ACOT11: variants seen among roughly 807,000 people sequenced by gnomAD.
ACOT11 encodes acyl-CoA thioesterase 11.
ACOT11 carries 69 observed loss-of-function variants against 77.5 expected under a neutral mutation model. The observed-to-expected ratio is 0.89, with a 90% CI of 0.73 to 1.09. The LOEUF is 1.09. Among genes scored for constraint, ACOT11 ranks in the 50% least tolerant of loss-of-function variants. ACOT11 has a pLI of 0.00. For missense variants in ACOT11, 766 were observed against 813.7 expected (o/e 0.94, Z 0.71); for synonymous variants, 279 against 313.0 (o/e 0.89, Z 1.15).
Position 54,601,331 on chromosome 1 carries a change from T to A in ACOT11, c.947T>A (p.Ile316Asn). 6.2e-7 allele frequency: 1 copy of A among 1,613,712 alleles called. No homozygotes were observed. The highest frequency in any genetic ancestry group is 1.1e-5 in the South Asian group (1 of 91,088). Reference protein sequence around the residue: ...RQEAETHRRHINSAFMTFVVL... With the variant: ...RQEAETHRRHNNSAFMTFVVL... The stretch of plus-strand genomic sequence containing the variant: ...GAGGCTGAGACCCACCGGCGCCACA[T>A]CAACAGTGCCTTTATGACCTTTGTG... Residue 316 changes from isoleucine (I) to asparagine (N), a missense_variant, in exon 9 of 16, where the codon ATC becomes AAC. Physicochemically the swap from Ile to Asn is moderately radical, Grantham distance 149. Coordinates refer to ENST00000343744, the MANE Select transcript of ACOT11 (RefSeq NM_147161.4).
In ACOT11 at chr1:54,609,483, T is replaced by C. The variant is rs1644084878; in HGVS notation, c.*371T>C. 13 of 1,613,466 alleles carry C rather than the reference T, an allele frequency of 8.1e-6. No individual in the cohort carries two copies. The highest frequency in any genetic ancestry group is 1.0e-5 in the Non-Finnish European group (12 of 1,180,038). ...CCAGCTGTGCTGTGGCCCAGCAGCA[T>C]GGCCTGCATCTGGAAGGACACAGGT... On this transcript the variant is annotated 3_prime_UTR_variant, in exon 16 of 16. Coordinates refer to ENST00000343744, the MANE Select transcript of ACOT11 (RefSeq NM_147161.4).
rs1051186551 is a variant in ACOT11, at chr1:54,599,374, T to C, written c.843T>C (p.Arg281=). The C allele has an allele frequency of 2.5e-6, 4 of 1,607,698 alleles. No individual in the cohort carries two copies. The highest frequency in any genetic ancestry group is 3.4e-6 in the Non-Finnish European group (4 of 1,177,168). ...HFRGPSQVGD[R]LVLKAIVNNA... is the part of the protein sequence containing the mutation. The stretch of plus-strand genomic sequence containing the variant: ...GAGGCCCGTCCCAGGTCGGCGACCG[T>C]CTGGTGCTCAAAGCCATCGTGAACA... The change falls in exon 8 of 16, where the codon CGT becomes CGC. Residue 281 remains arginine, a synonymous_variant. Coordinates refer to ENST00000343744, the MANE Select transcript of ACOT11 (RefSeq NM_147161.4).
At chr1:54,624,240 G>A (rs1644257879) in intron 15 of ACOT11, among the ~76,000 whole-genome samples, 1 of 152,222 alleles carries the variant, frequency 6.6e-6, no homozygotes, top group Non-Finnish European at 1.5e-5. Context: ...GGGGCTCACA[G>A]AGAGATCTGG....
Position 54,562,535 on chromosome 1 carries a change from CG to C in ACOT11, c.33+14199del, listed in dbSNP as rs1196685938. On this transcript the variant is annotated intron_variant, in intron 1 of 15. Coordinates refer to ENST00000343744, the MANE Select transcript of ACOT11 (RefSeq NM_147161.4). ...CTCCCGGATGGGGCGGCTGGCCGGG[CG>C]GGGGGCTGACCCACCCCCCACCTCC... is the stretch of plus-strand genomic sequence containing the variant. 3.3e-3 allele frequency among the ~76,000 whole-genome samples: 206 copies of C among 63,066 alleles called. 12 individuals carry two copies. The East Asian group carries it at 0.043, about 13-fold the overall frequency. 41.4% of individuals were successfully genotyped at this position (63,066 alleles called of 152,430 possible).
chr1:54,549,146 CCCTGT>C (rs1194695792), intron 1 of ACOT11, among the ~76,000 whole-genome samples: 2 of 152,172 alleles, frequency 1.3e-5, no homozygotes, highest in African/African-American at 4.8e-5. Flanking sequence ...CCTCACCGGG[CCCTGT>C]GCATCTTGTC....
At chr1:54,623,476 G>GCTCCT in intron 15 of ACOT11, 1 of 1,036,146 alleles carries the variant, frequency 9.7e-7, no homozygotes, top group Non-Finnish European at 1.5e-6. Context: ...TCCTGTGGGA[G>GCTCCT]GCAGGAGCTC....
intron 5 of ACOT11, 45 bp downstream of exon 5, chr1:54,594,084 G>A: frequency 1.9e-6 from 3 of 1,552,744 alleles, no homozygotes; most frequent in Non-Finnish European, 2.7e-6. Flanking sequence ...CAGTGACCTG[G>A]GCACCTGCCA....
At chr1:54,591,619 T>C (rs1214859618) in intron 3 of ACOT11, among the ~76,000 whole-genome samples, 8 of 152,232 alleles carry the variant, frequency 5.3e-5, no homozygotes, top group South Asian at 2.1e-4. Context: ...GCCTTTAGCC[T>C]CCTGCCCCTC....
At chr1:54,614,956 A>ATGTGTGTGTG (rs1359535949), downstream of ACOT11, 1 of 1,130,046 alleles carries the variant, frequency 8.8e-7, no homozygotes, top group Non-Finnish European at 1.3e-6. Flanking sequence ...GTGTGTGTGC[A>ATGTGTGTGTG]TGTGCGTGCA....
chr1:54,555,922 ATT>A (rs1327262514), intron 1 of ACOT11, among the ~76,000 whole-genome samples: 1 of 151,786 alleles, frequency 6.6e-6, no homozygotes, highest in African/African-American at 2.4e-5. Flanking sequence ...TAACTTTTGT[ATT>A]TTTAGTTGAG....
exon 17 of ACOT11, chr1:54,638,979 T>A (rs1644345946): frequency 6.6e-6 from 1 of 152,036 alleles, no homozygotes; most frequent in Non-Finnish European, 1.5e-5. Flanking sequence ...TCGCTTGGGC[T>A]CAAGAGTTTG....
chr1:54,617,610 T>C (rs1644186075), intron 15 of ACOT11, among the ~76,000 whole-genome samples: 1 of 151,004 alleles, frequency 6.6e-6, no homozygotes, highest in South Asian at 2.1e-4. Flanking sequence ...ATTCTCTGAG[T>C]TCCAGGCACC....
chr1:54,632,640 C>T (rs944004627), intron 16 of ACOT11, among the ~76,000 whole-genome samples: 2 of 152,138 alleles, frequency 1.3e-5, no homozygotes, highest in East Asian at 1.9e-4. Flanking sequence ...CACAAATAAA[C>T]AAGGCAAAGC....
intron 3 of ACOT11, among the ~76,000 whole-genome samples, chr1:54,590,167 C>T (rs931665797): frequency 1.3e-5 from 2 of 152,150 alleles, no homozygotes; most frequent in Non-Finnish European, 2.9e-5. Context: ...CCGTCTCTCT[C>T]TCTCAAAATA....
At chr1:54,569,760 A>G (rs1051022145) in intron 1 of ACOT11, among the ~76,000 whole-genome samples, 1 of 152,214 alleles carries the variant, frequency 6.6e-6, no homozygotes, top group Non-Finnish European at 1.5e-5. Flanking sequence ...CAGCATGCAT[A>G]CAACTTAAAA....
At chr1:54,573,579 A>G (rs1296722049) in intron 1 of ACOT11, among the ~76,000 whole-genome samples, 2 of 152,208 alleles carry the variant, frequency 1.3e-5, no homozygotes, top group African/African-American at 2.4e-5. Context: ...CTAAAAATAC[A>G]AAAAGTATCC....
rs545753989 is a variant in ACOT11 at position 54,607,252 on chromosome 1, C to A, written c.1489C>A (p.Pro497Thr). 6.2e-7 allele frequency: 1 copy of A among 1,614,138 alleles called. No homozygotes were observed. The highest frequency in any genetic ancestry group is 8.5e-7 in the Non-Finnish European group (1 of 1,180,016). ...DFVILASRRK[P>T]CDNGDPYVIA... Reference sequence around the variant, plus strand: ...CGTGATCCTGGCCTCGAGGCGGAAGCCTTGTGACAATGGGTGTGTGCCTAT... The same window carrying A: ...CGTGATCCTGGCCTCGAGGCGGAAGACTTGTGACAATGGGTGTGTGCCTAT... The change falls in exon 14 of 16, where the codon CCT becomes ACT. Residue 497 changes from proline (P) to threonine (T), a missense_variant. Coordinates refer to ENST00000343744, the MANE Select transcript of ACOT11 (RefSeq NM_147161.4). The surrounding 1 kb of genome is among the most constrained non-coding windows in gnomAD (Gnocchi z 4.5).
chr1:54,585,722 A>C (rs1654475456), intron 2 of ACOT11, 113 bp from the exon 3 acceptor site: 1 of 936,028 alleles, frequency 1.1e-6, no homozygotes. Flanking sequence ...GTGTGGTGGG[A>C]GTTGTGGCCT....
Position 54,632,930 on chromosome 1 carries a change from A to T in ACOT11, c.1783-1758A>T, listed in dbSNP as rs187610053. Among the ~76,000 whole-genome samples the T allele has an allele frequency of 4.4e-4, 67 of 152,278 alleles. No homozygotes were observed. The East Asian group carries it at 9.6e-3, about 22-fold the overall frequency. The stretch of plus-strand genomic sequence containing the variant: ...TTATAACTTCTGTACCTATAAATTT[A>T]TGGGGAAGAGATGTATTACAACAAT... On this transcript the variant is annotated intron_variant, in intron 16 of 16. Coordinates refer to the ACOT11 transcript ENST00000371316.
Sources: gnomAD v4.1 joint callset for allele counts (sites outside exome capture counted in the v4.1 genomes callset) on GRCh38, gnomAD v4.1.1 for gene constraint, Gnocchi (gnomAD v3.1) non-coding constraint, MANE v1.5 for transcripts, NCBI Gene and HGNC (gene_info 2026-07-23, HGNC 2026-07-21) for gene names.